The following LRRTM4 variants were observed in gnomAD, a reference collection of about 807,000 sequenced individuals.
LRRTM4 encodes the protein leucine-rich repeat transmembrane neuronal protein 4.
LRRTM4 carries 25 observed loss-of-function variants against 47.6 expected under a neutral mutation model. The ratio of observed to expected loss-of-function variants is 0.53; its 90% CI spans 0.38 to 0.73. LRRTM4 has a LOEUF of 0.73. Ranked by LOEUF, LRRTM4 falls within the 30% of genes least tolerant of loss-of-function variation. LRRTM4 has a pLI of 0.00. For synonymous variants in LRRTM4, 311 were observed against 269.5 expected (o/e 1.15, Z -1.51); for missense variants, 638 against 713.4 (o/e 0.89, Z 1.20).
intron 3 of LRRTM4, among the ~76,000 whole-genome samples, chr2:77,407,141 T>G (rs1286426010): frequency 6.6e-6 from 1 of 152,190 alleles, no homozygotes; most frequent in Non-Finnish European, 1.5e-5. Context: ...AATTGGTATC[T>G]GCCCATTTGC....
intron 3 of LRRTM4, among the ~76,000 whole-genome samples, chr2:76,874,675 C>T (rs539244221): frequency 6.6e-6 from 1 of 151,728 alleles, no homozygotes; most frequent in Middle Eastern, 3.4e-3. Context: ...GATAGTGATT[C>T]AGTAGTCAAC....
chr2:76,997,822 A>G (rs1677255752), intron 3 of LRRTM4, among the ~76,000 whole-genome samples: 1 of 152,026 alleles, frequency 6.6e-6, no homozygotes, highest in South Asian at 2.1e-4. Context: ...TATAGCTTGC[A>G]TTGCTGCCTG....
intron 3 of LRRTM4, among the ~76,000 whole-genome samples, chr2:77,476,523 G>A (rs1170659356): frequency 1.3e-5 from 2 of 151,904 alleles, no homozygotes; most frequent in Non-Finnish European, 2.9e-5. Context: ...AAGTCCAAAA[G>A]CACCATTTAG....
chr2:76,953,492 C>T (rs1043654100), intron 3 of LRRTM4, among the ~76,000 whole-genome samples: 3 of 151,826 alleles, frequency 2.0e-5, no homozygotes, highest in African/African-American at 7.2e-5. Flanking sequence ...ACACACATTA[C>T]GTTCTCTTGT....
chr2:77,010,501 T>TACAC (rs34456976), intron 3 of LRRTM4, among the ~76,000 whole-genome samples: 14,440 of 139,554 alleles, frequency 0.1, 857 homozygotes, highest in Non-Finnish European at 0.12. Flanking sequence ...TTGTATTGTT[T>TACAC]ACACACACAC....
rs189289103 is a variant in LRRTM4 at position 77,252,425 on chromosome 2, C to T, written c.1551+265893G>A. Among the ~76,000 whole-genome samples the T allele has an allele frequency of 6.6e-5, 10 of 152,256 alleles. No homozygotes were observed. In the East Asian group the frequency reaches 1.9e-3, roughly 29 times the overall value. On this transcript the variant is annotated intron_variant, in intron 3 of 3. Transcript: ENST00000409884. ...GGAACAGGAGCCATGCCCTAACCAA[C>T]TTAGTGACACAACCAAAATGGAGAC... is the stretch of plus-strand genomic sequence containing the variant.
intron 3 of LRRTM4, among the ~76,000 whole-genome samples, chr2:76,755,055 A>G (rs770120082): frequency 7.9e-5 from 12 of 152,168 alleles, no homozygotes; most frequent in Non-Finnish European, 1.3e-4. Context: ...GATTTGTTAT[A>G]CAGTAAAACC....
chr2:76,867,458 G>A (rs1165358863), intron 3 of LRRTM4, among the ~76,000 whole-genome samples: 9 of 152,120 alleles, frequency 5.9e-5, no homozygotes, highest in Admixed American at 5.9e-4. Flanking sequence ...AAATATCTTT[G>A]CTGTTTATTT....
At chr2:76,990,825 C>A (rs149202390) in intron 3 of LRRTM4, among the ~76,000 whole-genome samples, 4 of 151,710 alleles carry the variant, frequency 2.6e-5, no homozygotes, top group African/African-American at 9.6e-5. Flanking sequence ...GACTATTGCA[C>A]CCATCAATCA....
At chr2:76,779,003 T>C (rs1674193362) in intron 3 of LRRTM4, among the ~76,000 whole-genome samples, 1 of 136,778 alleles carries the variant, frequency 7.3e-6, no homozygotes, top group South Asian at 2.5e-4. Flanking sequence ...TATTTGTGCC[T>C]TCATTTCGTT....
intron 3 of LRRTM4, among the ~76,000 whole-genome samples, chr2:76,977,269 A>ATT (rs146883940): frequency 6.8e-6 from 1 of 146,288 alleles, no homozygotes; most frequent in East Asian, 2.0e-4. Flanking sequence ...CTTCCCCCTA[A>ATT]TTTTTTTTTT....
chr2:77,304,569 A>G (rs1269589277), intron 3 of LRRTM4, among the ~76,000 whole-genome samples: 2 of 152,160 alleles, frequency 1.3e-5, no homozygotes, highest in African/African-American at 2.4e-5. Context: ...CATAGGATGA[A>G]TAGAAGTCAA....
intron 3 of LRRTM4, among the ~76,000 whole-genome samples, chr2:77,072,628 T>C (rs1680192179): frequency 6.6e-6 from 1 of 151,740 alleles, no homozygotes; most frequent in East Asian, 2.0e-4. Flanking sequence ...CGAAATCCCG[T>C]CTGTACTAGG....
intron 3 of LRRTM4, among the ~76,000 whole-genome samples, chr2:76,774,924 T>C (rs1301096700): frequency 6.6e-6 from 1 of 152,222 alleles, no homozygotes; most frequent in Non-Finnish European, 1.5e-5. Context: ...TAAATTTGTT[T>C]TCTGGCATTG....
At chr2:76,975,984 T>A (rs984810969) in intron 3 of LRRTM4, among the ~76,000 whole-genome samples, 1 of 151,864 alleles carries the variant, frequency 6.6e-6, no homozygotes, top group African/African-American at 2.4e-5. Flanking sequence ...TTAGGTTTTC[T>A]TCATTTCTTG....
chr2:76,939,781 G>A (rs1048610037), intron 3 of LRRTM4, among the ~76,000 whole-genome samples: 75 of 151,912 alleles, frequency 4.9e-4, no homozygotes, highest in African/African-American at 1.8e-3. Flanking sequence ...ATATTTATGG[G>A]CATCTAACTG....
chr2:77,128,848 C>T (rs1246053188), intron 3 of LRRTM4, among the ~76,000 whole-genome samples: 1 of 152,168 alleles, frequency 6.6e-6, no homozygotes. Context: ...CCATGTTGCT[C>T]AGGCTGGTCT....
chr2:77,286,430 G>C (rs1214490781), intron 3 of LRRTM4, among the ~76,000 whole-genome samples: 1 of 151,542 alleles, frequency 6.6e-6, no homozygotes, highest in East Asian at 1.9e-4. Context: ...ATTAAAAATA[G>C]TTAAAATCTT....
At chr2:76,945,899 T>C (rs1320486998) in intron 3 of LRRTM4, among the ~76,000 whole-genome samples, 1 of 151,962 alleles carries the variant, frequency 6.6e-6, no homozygotes, top group Non-Finnish European at 1.5e-5. Context: ...AATTGAGAAA[T>C]TGTAGAAATC....
Sources: gnomAD v4.1 joint callset for allele counts (sites outside exome capture counted in the v4.1 genomes callset) on GRCh38, gnomAD v4.1.1 for gene constraint, MANE v1.5 for transcripts, NCBI Gene and HGNC (gene_info 2026-07-23, HGNC 2026-07-21) for gene names.